The following PPARGC1A variants were observed in gnomAD, a reference collection of about 807,000 sequenced individuals.
PPARGC1A encodes the protein peroxisome proliferator-activated receptor gamma coactivator 1-alpha.
Under a neutral mutation model 88.7 loss-of-function variants are expected in PPARGC1A, and 25 were observed. The observed-to-expected ratio is 0.28, with a 90% CI of 0.21 to 0.39. The LOEUF (loss-of-function observed/expected upper bound fraction) is 0.39. Ranked by LOEUF, PPARGC1A falls within the 10% of genes least tolerant of loss-of-function variation. The pLI is 1.00. For missense variants in PPARGC1A, 880 were observed against 968.7 expected, an observed-to-expected ratio of 0.91 and a Z score of 1.22; for synonymous variants, 363 against 355.6, an observed-to-expected ratio of 1.02 and a Z score of -0.24.
At chr4:24,194,220 T>C in the PPARGC1A span, among the ~76,000 whole-genome samples, 2 of 151,690 alleles carry the variant, frequency 1.3e-5, no homozygotes, top group Non-Finnish European at 2.9e-5. Context: ...GTAGGAAGAA[T>C]ATATTTAATG....
chr4:24,309,990 A>C, the PPARGC1A span, among the ~76,000 whole-genome samples: 3 of 152,214 alleles, frequency 2.0e-5, no homozygotes, highest in Non-Finnish European at 4.4e-5. Flanking sequence ...TTAGTAAGGA[A>C]AAATGTGTCA....
At chr4:24,209,764 T>TTA in the PPARGC1A span, among the ~76,000 whole-genome samples, 151 of 152,350 alleles carry the variant, frequency 9.9e-4, no homozygotes, top group African/African-American at 3.6e-3. Flanking sequence ...GTATGCTTTA[T>TTA]TATGCTCATA....
chr4:23,998,432 A>AT, the PPARGC1A span, among the ~76,000 whole-genome samples: 148 of 147,784 alleles, frequency 1.0e-3, no homozygotes, highest in Middle Eastern at 7.0e-3. Flanking sequence ...ACCTACGGCA[A>AT]TTTTTTTTTT....
the PPARGC1A span, among the ~76,000 whole-genome samples, chr4:24,397,277 C>G: frequency 1.3e-5 from 2 of 152,056 alleles, no homozygotes; most frequent in East Asian, 3.9e-4. Context: ...TGGAACCGGC[C>G]AATTTTCCTG....
chr4:24,409,239 T>G, the PPARGC1A span, among the ~76,000 whole-genome samples: 2 of 152,232 alleles, frequency 1.3e-5, no homozygotes, highest in South Asian at 2.1e-4. Flanking sequence ...TCACAGATGT[T>G]ATTTTAATGT....
At chr4:24,263,631 G>A in the PPARGC1A span, among the ~76,000 whole-genome samples, 1 of 152,156 alleles carries the variant, frequency 6.6e-6, no homozygotes, top group Non-Finnish European at 1.5e-5. Context: ...ACCTGAGACA[G>A]CAAGACCAAC....
At chr4:24,425,512 C>T in the PPARGC1A span, among the ~76,000 whole-genome samples, 1 of 152,104 alleles carries the variant, frequency 6.6e-6, no homozygotes, top group Non-Finnish European at 1.5e-5. Context: ...TAATGTTAGT[C>T]GTTTCTTATT....
chr4:24,317,582 A>C, the PPARGC1A span, among the ~76,000 whole-genome samples: 4 of 139,556 alleles, frequency 2.9e-5, no homozygotes, highest in African/African-American at 1.1e-4. Context: ...AAAAAAAAAA[A>C]AAAAAAAAAA....
chr4:24,317,724 C>G, the PPARGC1A span, among the ~76,000 whole-genome samples: 1 of 151,884 alleles, frequency 6.6e-6, no homozygotes, highest in East Asian at 1.9e-4. Flanking sequence ...CTGTTCTCCA[C>G]AGCCCCAGCC....
At chr4:24,393,176 G>C in the PPARGC1A span, among the ~76,000 whole-genome samples, 5 of 152,094 alleles carry the variant, frequency 3.3e-5, 1 homozygote, top group East Asian at 5.8e-4. Flanking sequence ...TGCTACAAAG[G>C]CCTCAGTAAC....
At chr4:24,345,398 A>T in the PPARGC1A span, among the ~76,000 whole-genome samples, 4 of 151,896 alleles carry the variant, frequency 2.6e-5, no homozygotes, top group Non-Finnish European at 5.9e-5. Flanking sequence ...TGACCATGGG[A>T]TGTGTTCCTA....
chr4:24,414,962 G>A, the PPARGC1A span, among the ~76,000 whole-genome samples: 1 of 152,130 alleles, frequency 6.6e-6, no homozygotes, highest in Non-Finnish European at 1.5e-5. Context: ...GGCCGAGGCA[G>A]GTGGATCACT....
the PPARGC1A span, among the ~76,000 whole-genome samples, chr4:24,089,488 T>C: frequency 1.2e-5 from 1 of 85,030 alleles, no homozygotes; most frequent in Admixed American, 1.2e-4. Context: ...CCTTTTTCTT[T>C]TCTTTTCTTT....
the PPARGC1A span, among the ~76,000 whole-genome samples, chr4:24,194,617 C>CACGA: frequency 4.9e-5 from 1 of 20,610 alleles, no homozygotes; most frequent in East Asian, 1.7e-3. Flanking sequence ...CACACACGCG[C>CACGA]GCGCACGCGC....
At chr4:24,041,753 C>A in the PPARGC1A span, among the ~76,000 whole-genome samples, 1 of 152,104 alleles carries the variant, frequency 6.6e-6, no homozygotes, top group Non-Finnish European at 1.5e-5. Context: ...GAAGCACATA[C>A]ATGGATCCCA....
At chr4:24,381,796 C>CT in the PPARGC1A span, among the ~76,000 whole-genome samples, 14 of 152,314 alleles carry the variant, frequency 9.2e-5, no homozygotes, top group East Asian at 2.7e-3. Flanking sequence ...CTATACAACT[C>CT]TTTCATCATT....
chr4:24,363,456 C>T, the PPARGC1A span, among the ~76,000 whole-genome samples: 1 of 152,148 alleles, frequency 6.6e-6, no homozygotes, highest in African/African-American at 2.4e-5. Flanking sequence ...TAACATTCAG[C>T]TCGGTAATAT....
At chr4:23,977,913 A>T in the PPARGC1A span, among the ~76,000 whole-genome samples, 2 of 152,202 alleles carry the variant, frequency 1.3e-5, no homozygotes, top group Non-Finnish European at 2.9e-5. Context: ...TTGCATTAGA[A>T]TTGATTAGTT....
the PPARGC1A span, among the ~76,000 whole-genome samples, chr4:24,434,423 T>C: frequency 3.3e-5 from 5 of 152,266 alleles, no homozygotes; most frequent in African/African-American, 1.2e-4. Context: ...TAATGGTATA[T>C]AGAATTTCTC....
Sources: allele counts gnomAD v4.1 joint callset (sites outside exome capture counted in the v4.1 genomes callset), GRCh38; gene constraint gnomAD v4.1.1; transcripts MANE v1.5; gene names NCBI Gene and HGNC (gene_info 2026-07-23, HGNC 2026-07-21).